The following DIAPH3 variants were observed in gnomAD, a reference collection of about 807,000 sequenced individuals.
The protein encoded by DIAPH3 is diaphanous related formin 3.
In DIAPH3, 117 loss-of-function variants were observed where a neutral mutation model predicts 144.3. The ratio of observed to expected loss-of-function variants is 0.81; its 90% CI spans 0.70 to 0.95. The LOEUF (loss-of-function observed/expected upper bound fraction) is 0.95, where lower values mean the gene tolerates loss of function less well. Among genes scored for constraint, DIAPH3 ranks in the 40% least tolerant of loss-of-function variants. The probability of loss-of-function intolerance (pLI) is 0.00; values close to 1 mark genes in which losing one functional copy is unlikely to be tolerated. For synonymous variants in DIAPH3, 519 were observed against 488.9 expected, an observed-to-expected ratio of 1.06 and a Z score of -0.81; for missense variants, 1,421 against 1,412.7, an observed-to-expected ratio of 1.01 and a Z score of -0.09.
intron 5 of DIAPH3, among the ~76,000 whole-genome samples, chr13:60,026,482 G>A (rs2054382824): frequency 6.6e-6 from 1 of 151,988 alleles, no homozygotes; most frequent in African/African-American, 2.4e-5. Context: ...CTTCTTTAAA[G>A]CACCAATATC....
Position 59,861,521 on chromosome 13 carries a change from A to C in DIAPH3, c.2623T>G (p.Ser875Ala), listed in dbSNP as rs1469844808. 1 of 1,613,732 alleles carries C rather than the reference A, an allele frequency of 6.2e-7. No individual in the cohort carries two copies. The highest frequency in any genetic ancestry group is 8.5e-7 in the Non-Finnish European group (1 of 1,179,828). The change falls in exon 22 of 28, where the codon TCA becomes GCA. Residue 875 changes from serine (S) to alanine (A), a missense_variant. Ser to Ala is a moderately conservative substitution (Grantham distance 99). Coordinates refer to ENST00000400324, the MANE Select transcript of DIAPH3 (RefSeq NM_001042517.2). ...SSLCKLKDTK[S>A]ADQKTTLLHF... is the part of the protein sequence containing the mutation. ...AGTAGCGTTGTTTTCTGATCTGCTG[A>C]TTTTGTGTCCTTTAGCTAAATAGAA...
At position 59,981,691 on chromosome 13, in the gene DIAPH3, T is replaced by C. The variant is rs531119008; in HGVS notation, c.1481-832A>G. On this transcript the variant is annotated intron_variant, in intron 13 of 27. Transcript: ENST00000400324. ...CATGAACAAAGTTTATAAAAATATA[T>C]TACAGAAGAATTTATAATAAAAAAT... 5.3e-5 allele frequency among the ~76,000 whole-genome samples: 8 copies of C among 151,468 alleles called. No homozygotes were observed. The East Asian group carries it at 9.7e-4, about 18-fold the overall frequency.
intron 27 of DIAPH3, chr13:59,773,925 T>C (rs1177481208): frequency 2.5e-6 from 1 of 401,060 alleles, no homozygotes; most frequent in Non-Finnish European, 4.5e-6. Flanking sequence ...TGATCAGCAA[T>C]GATTGAATGT....
At chr13:59,712,959 T>G (rs548243942) in intron 27 of DIAPH3, among the ~76,000 whole-genome samples, 1 of 152,282 alleles carries the variant, frequency 6.6e-6, no homozygotes, top group Non-Finnish European at 1.5e-5. Flanking sequence ...AATACACAAC[T>G]ATATATCTCG....
intron 3 of DIAPH3, among the ~76,000 whole-genome samples, chr13:60,097,602 T>C (rs543361139): frequency 1.3e-5 from 2 of 152,286 alleles, no homozygotes; most frequent in African/African-American, 2.4e-5. Context: ...TATTCCTTTA[T>C]GGCAACATAA....
At chr13:59,945,157 T>C (rs577022229) in intron 17 of DIAPH3, among the ~76,000 whole-genome samples, 1 of 152,186 alleles carries the variant, frequency 6.6e-6, no homozygotes, top group South Asian at 2.1e-4. Context: ...TCAAATCTCA[T>C]CTCCTGCCCT....
At chr13:59,763,931 T>C (rs1382911054) in intron 27 of DIAPH3, among the ~76,000 whole-genome samples, 2 of 152,004 alleles carry the variant, frequency 1.3e-5, no homozygotes, top group Non-Finnish European at 2.9e-5. Flanking sequence ...ATTCTCTTGC[T>C]CCGAGCTAGT....
At chr13:60,158,892 T>C (rs1457550553) in intron 1 of DIAPH3, among the ~76,000 whole-genome samples, 1 of 134,616 alleles carries the variant, frequency 7.4e-6, no homozygotes, top group Non-Finnish European at 1.5e-5. Flanking sequence ...TTGTTGCTCC[T>C]GCCTGGCCCC....
At chr13:59,935,326 T>A (rs1461184424) in intron 17 of DIAPH3, among the ~76,000 whole-genome samples, 1 of 152,172 alleles carries the variant, frequency 6.6e-6, no homozygotes, top group Non-Finnish European at 1.5e-5. Flanking sequence ...AATGCGCCTA[T>A]CACTACCTCT....
chr13:60,011,891 G>A (rs2053294341), intron 7 of DIAPH3, among the ~76,000 whole-genome samples: 1 of 152,078 alleles, frequency 6.6e-6, no homozygotes, highest in Non-Finnish European at 1.5e-5. Flanking sequence ...AATCCAATTA[G>A]AAGATAAGTT....
At chr13:59,870,165 C>CTTT (rs35111180) in intron 21 of DIAPH3, among the ~76,000 whole-genome samples, 1 of 143,744 alleles carries the variant, frequency 7.0e-6, no homozygotes, top group African/African-American at 2.5e-5. Flanking sequence ...GGTCTGGCAA[C>CTTT]TTTTTTTTTT....
At chr13:60,163,490 A>C in intron 1 of DIAPH3, 97 bp downstream of exon 1, 1 of 1,526,254 alleles carries the variant, frequency 6.6e-7, no homozygotes, top group Non-Finnish European at 8.9e-7. Flanking sequence ...GATCTCTAGA[A>C]TAAAACTTGG....
intron 20 of DIAPH3, among the ~76,000 whole-genome samples, chr13:59,904,931 C>T (rs915652317): frequency 1.3e-5 from 2 of 151,918 alleles, no homozygotes; most frequent in African/African-American, 4.8e-5. Context: ...ATAACTGCTT[C>T]GATCTCATTT....
At chr13:60,091,011 T>C (rs944205682) in intron 4 of DIAPH3, among the ~76,000 whole-genome samples, 8 of 152,230 alleles carry the variant, frequency 5.3e-5, no homozygotes, top group Non-Finnish European at 4.4e-5. Context: ...AAACAGTTTG[T>C]TTCTTAAAAT....
chr13:59,768,478 A>G (rs370928546), intron 27 of DIAPH3, among the ~76,000 whole-genome samples: 13 of 152,236 alleles, frequency 8.5e-5, no homozygotes, highest in South Asian at 4.2e-4. Flanking sequence ...GTAGACACCA[A>G]TGGAAACCTT....
At chr13:59,834,391 T>C (rs746491952) in intron 23 of DIAPH3, among the ~76,000 whole-genome samples, 73 of 151,614 alleles carry the variant, frequency 4.8e-4, no homozygotes, top group Non-Finnish European at 9.9e-4. Context: ...TTAAAACAAA[T>C]AAAAAACAGT....
intron 3 of DIAPH3, among the ~76,000 whole-genome samples, chr13:60,104,818 G>A (rs770608281): frequency 4.6e-5 from 7 of 152,034 alleles, no homozygotes; most frequent in Admixed American, 6.6e-5. Context: ...TTGGCCAGGC[G>A]CGGTGGCTCA....
intron 23 of DIAPH3, among the ~76,000 whole-genome samples, chr13:59,835,772 T>C (rs2139742261): frequency 6.6e-6 from 1 of 151,926 alleles, no homozygotes; most frequent in South Asian, 2.1e-4. Flanking sequence ...ATTTCATCCA[T>C]TCCAATCTTC....
At chr13:59,752,572 T>C (rs2037065181) in intron 27 of DIAPH3, among the ~76,000 whole-genome samples, 1 of 152,112 alleles carries the variant, frequency 6.6e-6, no homozygotes, top group Admixed American at 6.6e-5. Context: ...TTCGTCATGT[T>C]GTGCAGGGCT....
Sources: allele counts gnomAD v4.1 joint callset (sites outside exome capture counted in the v4.1 genomes callset), GRCh38; gene constraint gnomAD v4.1.1; transcripts MANE v1.5; gene names NCBI Gene and HGNC (gene_info 2026-07-23, HGNC 2026-07-21).